Variants in BCL11A observed in about 807,000 individuals in gnomAD.
BCL11A encodes B cell CLL/lymphoma 11A.
A neutral mutation model predicts 55.9 loss-of-function variants in BCL11A; 2 were observed. The observed-to-expected ratio is 0.04, with a 90% CI of 0.01 to 0.11. The LOEUF (loss-of-function observed/expected upper bound fraction) is 0.11. Ranked by LOEUF, BCL11A falls within the 10% of genes least tolerant of loss-of-function variation. BCL11A has a pLI of 1.00. For synonymous variants in BCL11A, 465 were observed against 473.4 expected (o/e 0.98, Z 0.23); for missense variants, 817 against 1,137.1 (o/e 0.72, Z 4.05).
chr2:60,538,737 CTCTGTGTGTGTG>C (rs1262662893), intron 2 of BCL11A, among the ~76,000 whole-genome samples: 84 of 118,752 alleles, frequency 7.1e-4, no homozygotes, highest in East Asian at 1.7e-3. Flanking sequence ...CTCTCTCTCT[CTCTGTGTGTGTG>C]TGTGTGTGTG....
At chr2:60,507,377 G>A (rs1182948086) in intron 2 of BCL11A, among the ~76,000 whole-genome samples, 1 of 117,812 alleles carries the variant, frequency 8.5e-6, no homozygotes. Flanking sequence ...GGGAAGGGAA[G>A]GGAGGGAGGG....
chr2:60,486,697 C>T (rs1466925233), intron 2 of BCL11A, among the ~76,000 whole-genome samples: 1 of 152,296 alleles, frequency 6.6e-6, no homozygotes, highest in Admixed American at 6.5e-5. Context: ...AGGATTGGGC[C>T]TGAAACTTCT....
chr2:60,484,772 CCATT>C (rs1380491542), intron 2 of BCL11A, among the ~76,000 whole-genome samples: 2 of 151,826 alleles, frequency 1.3e-5, no homozygotes, highest in Non-Finnish European at 2.9e-5. Flanking sequence ...GCCCTTATCA[CCATT>C]CCAGTATAAA....
Position 60,460,209 on chromosome 2 carries a change from G to T in BCL11A, c.*195C>A. ...GAAAAAGAAAAAAGAAAAAGAAAAAGAAAAAAAACAGGTGTGCTGGTGACA... is the reference window on the plus strand; with the variant it reads ...GAAAAAGAAAAAAGAAAAAGAAAAATAAAAAAAACAGGTGTGCTGGTGACA... On this transcript the variant is annotated 3_prime_UTR_variant, in exon 4 of 4. Coordinates refer to ENST00000642384, the MANE Select transcript of BCL11A (RefSeq NM_022893.4). 3 of 1,278,794 alleles carry T rather than the reference G, an allele frequency of 2.3e-6. No homozygotes were observed. The highest frequency in any genetic ancestry group is 2.8e-5 in the South Asian group (1 of 36,166). 79.2% of individuals were successfully genotyped at this position (1,278,794 alleles called of 1,614,324 possible).
intron 2 of BCL11A, among the ~76,000 whole-genome samples, chr2:60,489,680 C>T (rs1169228410): frequency 1.3e-5 from 2 of 152,198 alleles, no homozygotes; most frequent in African/African-American, 2.4e-5. Context: ...ACTAGCATCT[C>T]TGCTTTCCTT....
Position 60,462,229 on chromosome 2 carries a change from T to C in BCL11A, c.683A>G (p.His228Arg), listed in dbSNP as rs761989465. ...GAECPSQPPL[H>R]GIHIADNNPF... ...GTTATTGTCTGCAATATGAATCCCA[T>C]GGAGAGGTGGCTGGGAAGGACATTC... is the stretch of plus-strand genomic sequence containing the variant. Residue 228 changes from histidine to arginine, a missense_variant, in exon 4 of 4, where the codon CAT (histidine) becomes CGT (arginine). His to Arg is a conservative substitution (Grantham distance 29). Around this residue, in one of 4 missense-constraint regions of BCL11A, gnomAD observed 363 missense variants for 486.6 expected, o/e 0.75. Transcript: ENST00000642384. 1 of 1,613,570 alleles carries C rather than the reference T, an allele frequency of 6.2e-7. No individual in the cohort carries two copies.
At chr2:60,485,209 G>T (rs1181745588) in intron 2 of BCL11A, among the ~76,000 whole-genome samples, 6 of 152,198 alleles carry the variant, frequency 3.9e-5, no homozygotes, top group Middle Eastern at 3.2e-3. Flanking sequence ...GAGTGTAATG[G>T]AAGTCTGGCC....
intron 2 of BCL11A, among the ~76,000 whole-genome samples, chr2:60,540,946 TTG>T (rs368895286): frequency 0.34 from 47,700 of 139,958 alleles, 7,984 homozygotes; most frequent in Non-Finnish European, 0.39. Flanking sequence ...AGCACTGGTT[TTG>T]TGTGTGTGTG....
Position 60,459,536 on chromosome 2 carries a change from T to C in BCL11A, c.*868A>G. On this transcript the variant is annotated 3_prime_UTR_variant, in exon 4 of 4. Transcript: ENST00000642384. ...TAACTAGGACATAATGGGTCATCTT[T>C]TTAGGTAGCCATTGTTGTGAGAAAT... 2.0e-6 allele frequency: 2 copies of C among 1,024,322 alleles called. No individual in the cohort carries two copies. Among genetic ancestry groups the C allele is most frequent in the Non-Finnish European group, 2.3e-6 (2 of 852,854 alleles). 63.5% of individuals were successfully genotyped at this position (1,024,322 alleles called of 1,614,324 possible). A position where few individuals can be genotyped will look rare whatever the true frequency, so the allele number is the denominator to read the frequency against.
intron 2 of BCL11A, among the ~76,000 whole-genome samples, chr2:60,485,524 G>A (rs1391573392): frequency 6.6e-6 from 1 of 152,122 alleles, no homozygotes; most frequent in Admixed American, 6.5e-5. Flanking sequence ...TACCTATAAG[G>A]GAAAAATAAA....
Position 60,458,991 on chromosome 2 carries a change from T to G in BCL11A, c.*1413A>C. ...GACATATATACTGCTACTCTTAAAA[T>G]TCTTTCTCTTCTTTTTTTAAGAATG... On this transcript the variant is annotated 3_prime_UTR_variant, in exon 4 of 4. Coordinates refer to ENST00000642384, the MANE Select transcript of BCL11A (RefSeq NM_022893.4). 1 of 1,029,294 alleles carries G rather than the reference T, an allele frequency of 9.7e-7. No homozygotes were observed. The highest frequency in any genetic ancestry group is 1.2e-6 in the Non-Finnish European group (1 of 854,964). The allele number at this position is 1,029,294 out of a possible 1,614,324, so 63.8% of individuals were successfully genotyped here.
intron 2 of BCL11A, among the ~76,000 whole-genome samples, chr2:60,477,608 G>GA: frequency 7.3e-6 from 1 of 137,722 alleles, no homozygotes; most frequent in East Asian, 1.9e-4. Flanking sequence ...AATAAATAAA[G>GA]AAAGAAAGAA....
chr2:60,498,617 G>A (rs970185845), intron 2 of BCL11A, among the ~76,000 whole-genome samples: 3 of 152,202 alleles, frequency 2.0e-5, no homozygotes, highest in African/African-American at 7.2e-5. Flanking sequence ...TAGCAAATAG[G>A]CTTAGTGTGC....
chr2:60,537,067 T>C (rs996657791), intron 2 of BCL11A: 1 of 152,260 alleles, frequency 6.6e-6, no homozygotes, highest in African/African-American at 2.4e-5. Context: ...AAGAAATACA[T>C]AGTCTTTGAA....
In BCL11A at chr2:60,468,821, T is replaced by G; in HGVS notation, c.398A>C (p.His133Pro). ...ACGAGGGGAGGAGAGGCCCCTCCAG[T>G]GCAGAAGTTTATCTGTGAAAGAAAC... ...KQEHIADKLL[H>P]WRGLSSPRSA... Residue 133 changes from histidine (H) to proline (P), a missense_variant, in exon 3 of 4, where the codon CAC becomes CCC. His to Pro is a moderately conservative substitution (Grantham distance 77). Transcript: ENST00000642384. 1.2e-6 allele frequency: 2 copies of G among 1,606,652 alleles called. No individual in the cohort carries two copies. The highest frequency in any genetic ancestry group is 1.7e-6 in the Non-Finnish European group (2 of 1,178,038).
rs530497323 is a variant in BCL11A at position 60,522,391 on chromosome 2, A to C, written c.385+23580T>G. Reference sequence around the variant, plus strand: ...TATCACACCTAAAAATAATAAAGTCACAAATAAAGTCCCGTATTACCAAAT... The same window carrying C: ...TATCACACCTAAAAATAATAAAGTCCCAAATAAAGTCCCGTATTACCAAAT... On this transcript the variant is annotated intron_variant, in intron 2 of 3. Transcript: ENST00000642384. The C allele has an allele frequency of 2.6e-5, 4 of 152,366 alleles. No individual in the cohort carries two copies. In the South Asian group the frequency reaches 8.3e-4, roughly 32 times the overall value. 9.4% of individuals were successfully genotyped at this position (152,366 alleles called of 1,614,324 possible). A position where few individuals can be genotyped will look rare whatever the true frequency, so the allele number is the denominator to read the frequency against.
chr2:60,460,733 C>T lies in BCL11A; in HGVS notation c.2179G>A (p.Gly727Ser). 5 of 1,614,164 alleles carry T rather than the reference C, an allele frequency of 3.1e-6. No individual in the cohort carries two copies. Among genetic ancestry groups the T allele is most frequent in the Non-Finnish European group, 4.2e-6 (5 of 1,180,048 alleles). ...GSGGSTPHIS[G>S]PGPGRPSSKE... ...GAGCTGGGCCTGCCCGGGCCCGGAC[C>T]ACTAATATGGGGCGTGCTCCCTCCA... is the stretch of plus-strand genomic sequence containing the variant. The change falls in exon 4 of 4, where the codon GGT (glycine) becomes AGT (serine). Residue 727 changes from glycine to serine, a missense_variant. This residue lies in a region of BCL11A where 379 missense variants were observed against 425.3 expected (regional missense o/e 0.89). Transcript: ENST00000642384.
At chr2:60,493,634 G>C (rs74644352) in intron 2 of BCL11A, among the ~76,000 whole-genome samples, 1 of 152,134 alleles carries the variant, frequency 6.6e-6, no homozygotes, top group Non-Finnish European at 1.5e-5. Context: ...GTGGTGTTCG[G>C]AGTCCTAAGA....
At chr2:60,465,484 C>T (rs1208037891) in intron 3 of BCL11A, among the ~76,000 whole-genome samples, 1 of 152,154 alleles carries the variant, frequency 6.6e-6, no homozygotes, top group Non-Finnish European at 1.5e-5. Flanking sequence ...AGCTATTAGC[C>T]CACCTACTGG....
Sources: allele counts gnomAD v4.1 joint callset (sites outside exome capture counted in the v4.1 genomes callset), GRCh38; gene constraint gnomAD v4.1.1; regional missense constraint gnomAD v4.1.1; transcripts MANE v1.5; gene names NCBI Gene and HGNC (gene_info 2026-07-23, HGNC 2026-07-21).